Variants in JAZF1 observed in about 807,000 individuals in gnomAD.
JAZF1 encodes the protein JAZF zinc finger 1.
In JAZF1, 8 loss-of-function variants were observed where a neutral mutation model predicts 26.4. That is an observed-to-expected ratio of 0.30 (90% CI 0.18 to 0.55). The LOEUF is 0.55. Ranked by LOEUF, JAZF1 falls within the 20% of genes least tolerant of loss-of-function variation. The probability of loss-of-function intolerance (pLI) is 0.94; values close to 1 mark genes in which losing one functional copy is unlikely to be tolerated. For missense variants in JAZF1, 199 were observed against 322.0 expected, an observed-to-expected ratio of 0.62 and a Z score of 2.92; for synonymous variants, 126 against 122.3, an observed-to-expected ratio of 1.03 and a Z score of -0.20.
chr7:27,947,791 C>A (rs115060082), intron 2 of JAZF1, among the ~76,000 whole-genome samples: 4,456 of 152,190 alleles, frequency 0.029, 214 homozygotes, highest in African/African-American at 0.1. Context: ...ATTTATTAGA[C>A]CTCTGCCCAC....
At chr7:27,850,383 C>T (rs867209507) in intron 3 of JAZF1, among the ~76,000 whole-genome samples, 2 of 152,160 alleles carry the variant, frequency 1.3e-5, no homozygotes, top group Admixed American at 6.5e-5. Context: ...TGTCATTCTC[C>T]CCTGTCTCCT....
intron 1 of JAZF1, among the ~76,000 whole-genome samples, chr7:28,102,489 C>T (rs1784488304): frequency 6.6e-6 from 1 of 151,986 alleles, no homozygotes; most frequent in Non-Finnish European, 1.5e-5. Context: ...CCTTGCAAAC[C>T]ATATCATAAA....
At chr7:27,916,435 G>C (rs1353655087) in intron 2 of JAZF1, among the ~76,000 whole-genome samples, 2 of 152,064 alleles carry the variant, frequency 1.3e-5, no homozygotes, top group African/African-American at 4.8e-5. Context: ...GCAAGCCTCT[G>C]GCCACAACAT....
chr7:28,053,932 A>G, intron 1 of JAZF1, among the ~76,000 whole-genome samples: 1 of 152,216 alleles, frequency 6.6e-6, no homozygotes, highest in East Asian at 1.9e-4. Flanking sequence ...GAATAAAGCA[A>G]AAAGAAAAGG....
chr7:27,914,968 C>CA (rs1290723877), intron 2 of JAZF1, among the ~76,000 whole-genome samples: 12 of 152,184 alleles, frequency 7.9e-5, no homozygotes, highest in Non-Finnish European at 1.8e-4. Flanking sequence ...AAATGAGCCC[C>CA]AGCCCTTAGG....
intron 2 of JAZF1, among the ~76,000 whole-genome samples, chr7:27,904,453 G>T (rs1784215769): frequency 6.6e-6 from 1 of 152,180 alleles, no homozygotes; most frequent in Non-Finnish European, 1.5e-5. Context: ...TTCGTTAATA[G>T]AATGGCCTTT....
At position 27,830,699 on chromosome 7, in the gene JAZF1, C is replaced by T. The variant is rs1029599149; in HGVS notation, c.*2101G>A. On this transcript the variant is annotated 3_prime_UTR_variant, in exon 5 of 5. Coordinates refer to ENST00000283928, the MANE Select transcript of JAZF1 (RefSeq NM_175061.4). ...AAAACAAACCTCTGTTGCTTTCAGACTTAATGTGCTCTGTCCCCAACAAAA... is the reference window on the plus strand; with the variant it reads ...AAAACAAACCTCTGTTGCTTTCAGATTTAATGTGCTCTGTCCCCAACAAAA... The T allele has an allele frequency of 5.2e-6, 1 of 191,682 alleles. No homozygotes were observed. The highest frequency in any genetic ancestry group is 6.2e-5 in the Admixed American group (1 of 16,258). The allele number at this position is 191,682 out of a possible 1,614,324, so 11.9% of individuals were successfully genotyped here.
intron 1 of JAZF1, among the ~76,000 whole-genome samples, chr7:28,157,929 C>A (rs1302372019): frequency 6.6e-6 from 1 of 151,814 alleles, no homozygotes; most frequent in Non-Finnish European, 1.5e-5. Flanking sequence ...CCCATGGTCT[C>A]CTCCTAAGTT....
chr7:28,070,576 G>C (rs535612710), intron 1 of JAZF1, among the ~76,000 whole-genome samples: 72 of 152,266 alleles, frequency 4.7e-4, no homozygotes, highest in Non-Finnish European at 9.4e-4. Context: ...GTCCGGCTCC[G>C]GGCAGGCTGT....
intron 1 of JAZF1, among the ~76,000 whole-genome samples, chr7:28,150,977 T>C (rs1323482641): frequency 2.6e-5 from 4 of 152,078 alleles, no homozygotes; most frequent in Non-Finnish European, 5.9e-5. Flanking sequence ...TTTTAAGTTA[T>C]AAGGCAAATG....
At chr7:28,103,649 T>C (rs1784507567) in intron 1 of JAZF1, among the ~76,000 whole-genome samples, 1 of 152,154 alleles carries the variant, frequency 6.6e-6, no homozygotes, top group South Asian at 2.1e-4. Context: ...GAGTCATCCT[T>C]GGTTTCTTTC....
At chr7:27,846,580 G>A in intron 3 of JAZF1, 1 of 469,694 alleles carries the variant, frequency 2.1e-6, no homozygotes, top group Non-Finnish European at 4.4e-6. Context: ...GGGATTGTTG[G>A]GTCATATGGT....
chr7:28,000,288 G>GTT (rs1452868955), intron 1 of JAZF1, among the ~76,000 whole-genome samples: 1 of 152,166 alleles, frequency 6.6e-6, no homozygotes, highest in Non-Finnish European at 1.5e-5. Flanking sequence ...CAACTGGAGG[G>GTT]AGGGTTCCAG....
intron 1 of JAZF1, among the ~76,000 whole-genome samples, chr7:28,109,567 C>T (rs1784607457): frequency 1.3e-5 from 2 of 152,120 alleles, no homozygotes; most frequent in African/African-American, 4.8e-5. Context: ...AAAGCACTTC[C>T]AATTATACCA....
chr7:27,853,562 G>A (rs1038891618), intron 3 of JAZF1, among the ~76,000 whole-genome samples: 3 of 152,090 alleles, frequency 2.0e-5, no homozygotes, highest in Non-Finnish European at 4.4e-5. Context: ...TGAAATAAGC[G>A]GGTTAGAAAA....
chr7:28,036,597 A>G (rs1465203048), intron 1 of JAZF1, among the ~76,000 whole-genome samples: 1 of 152,214 alleles, frequency 6.6e-6, no homozygotes, highest in Non-Finnish European at 1.5e-5. Flanking sequence ...TCTGGAGGAC[A>G]TTTGGGCTTC....
intron 1 of JAZF1, among the ~76,000 whole-genome samples, chr7:28,145,485 T>C (rs1280864025): frequency 6.6e-6 from 1 of 152,230 alleles, no homozygotes; most frequent in African/African-American, 2.4e-5. Flanking sequence ...ACATGAAGCA[T>C]TTTTAAATAT....
intron 1 of JAZF1, among the ~76,000 whole-genome samples, chr7:28,091,184 T>C (rs1469678374): frequency 6.6e-6 from 1 of 152,152 alleles, no homozygotes; most frequent in African/African-American, 2.4e-5. Flanking sequence ...TTTCTAATTA[T>C]ATCAGGGGAA....
At chr7:28,130,756 T>C (rs1165497890) in intron 1 of JAZF1, among the ~76,000 whole-genome samples, 4 of 152,152 alleles carry the variant, frequency 2.6e-5, no homozygotes, top group Non-Finnish European at 5.9e-5. Context: ...TTGGTATTTC[T>C]CTCTCTCTCG....
Sources: gnomAD v4.1 joint callset for allele counts (sites outside exome capture counted in the v4.1 genomes callset) on GRCh38, gnomAD v4.1.1 for gene constraint, MANE v1.5 for transcripts, NCBI Gene and HGNC (gene_info 2026-07-23, HGNC 2026-07-21) for gene names.